Variants in FRAS1 observed in about 807,000 individuals in gnomAD.
The protein encoded by FRAS1 is Fraser extracellular matrix complex subunit 1.
Under a neutral mutation model 435.2 loss-of-function variants are expected in FRAS1, and 290 were observed. The observed-to-expected ratio is 0.67, with a 90% confidence interval of 0.61 to 0.73. The LOEUF (loss-of-function observed/expected upper bound fraction) is 0.73. Ranked by LOEUF, FRAS1 falls within the 30% of genes least tolerant of loss-of-function variation. The pLI is 0.00. For synonymous variants in FRAS1, 1,800 were observed against 1,851.0 expected (o/e 0.97, Z 0.71); for missense variants, 4,860 against 5,001.5 (o/e 0.97, Z 0.85).
chr4:78,539,419 A>G lies in FRAS1; in HGVS notation c.11424A>G (p.Leu3808=). The G allele has an allele frequency of 6.2e-7, 1 of 1,611,882 alleles. No homozygotes were observed. The highest frequency in any genetic ancestry group is 8.5e-7 in the Non-Finnish European group (1 of 1,179,096). Residue 3808 remains leucine, a synonymous_variant, in exon 73 of 74, where the codon CTA becomes CTG. Coordinates refer to ENST00000512123, the MANE Select transcript of FRAS1 (RefSeq NM_025074.7). ...SNMPGVDGFT[L]KVDALYKVEA... is the part of the protein sequence containing the mutation. ...TGCCAGGTGTGGATGGATTTACTCTAAAAGTAGATGCACTCTATAAGGTGA... is the reference window on the plus strand; with the variant it reads ...TGCCAGGTGTGGATGGATTTACTCTGAAAGTAGATGCACTCTATAAGGTGA...
intron 18 of FRAS1, chr4:78,319,739 T>C (rs1280645912): frequency 4.9e-6 from 1 of 204,810 alleles, no homozygotes; most frequent in Non-Finnish European, 1.0e-5. Context: ...ATTTGTAACA[T>C]AACAGTAAGC....
intron 9 of FRAS1, among the ~76,000 whole-genome samples, chr4:78,269,134 T>G (rs1726521816): frequency 1.3e-5 from 2 of 152,362 alleles, no homozygotes; most frequent in South Asian, 2.1e-4. Flanking sequence ...TCTGTTGACC[T>G]TGTTAAAGCC....
chr4:78,292,217 T>C (rs17003105), intron 14 of FRAS1, among the ~76,000 whole-genome samples: 4,820 of 152,288 alleles, frequency 0.032, 261 homozygotes, highest in African/African-American at 0.11. Flanking sequence ...AAATCTGCTT[T>C]TATATGTTAT....
intron 2 of FRAS1, among the ~76,000 whole-genome samples, chr4:78,142,766 C>T (rs1720249219): frequency 6.6e-6 from 1 of 152,086 alleles, no homozygotes; most frequent in Non-Finnish European, 1.5e-5. Flanking sequence ...TTCTATGTTC[C>T]ATGCATTGTC....
At chr4:78,310,778 C>T (rs753352977) in intron 15 of FRAS1, among the ~76,000 whole-genome samples, 3 of 152,200 alleles carry the variant, frequency 2.0e-5, no homozygotes, top group African/African-American at 4.8e-5. Flanking sequence ...TTAATTAAGA[C>T]GTCAGATGCT....
chr4:78,518,553 A>G (rs1721291112), intron 66 of FRAS1, among the ~76,000 whole-genome samples: 1 of 151,744 alleles, frequency 6.6e-6, no homozygotes, highest in Admixed American at 6.6e-5. Context: ...GCTTCACCAC[A>G]AAAGCTTCTG....
chr4:78,530,746 GTAGTA>G (rs1317203938), intron 70 of FRAS1, among the ~76,000 whole-genome samples: 1 of 152,150 alleles, frequency 6.6e-6, no homozygotes, highest in Non-Finnish European at 1.5e-5. Context: ...CTGTAGCCTT[GTAGTA>G]TAGTTTGAAG....
intron 38 of FRAS1, among the ~76,000 whole-genome samples, chr4:78,437,536 T>TTTTC (rs1466411177): frequency 4.6e-5 from 7 of 152,340 alleles, no homozygotes; most frequent in African/African-American, 1.7e-4. Context: ...TGATCTTGAA[T>TTTTC]TGAGACTCTG....
intron 2 of FRAS1, among the ~76,000 whole-genome samples, chr4:78,234,853 A>G (rs1252589116): frequency 1.3e-5 from 2 of 151,744 alleles, no homozygotes; most frequent in Non-Finnish European, 2.9e-5. Flanking sequence ...TTGTGTATAT[A>G]TCCATGTAAA....
At chr4:78,174,252 C>T (rs1408936433) in intron 2 of FRAS1, among the ~76,000 whole-genome samples, 2 of 152,204 alleles carry the variant, frequency 1.3e-5, no homozygotes, top group Admixed American at 6.5e-5. Context: ...AATCACAGTC[C>T]ACTTAGGTCA....
intron 3 of FRAS1, among the ~76,000 whole-genome samples, chr4:78,243,321 T>G (rs1725086857): frequency 6.6e-6 from 1 of 152,134 alleles, no homozygotes; most frequent in South Asian, 2.1e-4. Flanking sequence ...ATGATCAAAT[T>G]ATCATTATTG....
At chr4:78,287,366 A>G (rs985905883) in intron 14 of FRAS1, among the ~76,000 whole-genome samples, 1 of 152,182 alleles carries the variant, frequency 6.6e-6, no homozygotes, top group Non-Finnish European at 1.5e-5. Context: ...AGGGTTAATG[A>G]TGAAAACAAA....
intron 58 of FRAS1, among the ~76,000 whole-genome samples, chr4:78,482,762 T>A (rs1720051990): frequency 6.6e-6 from 1 of 152,188 alleles, no homozygotes. Flanking sequence ...GTATAAGCCT[T>A]GGGCCCTGTC....
At chr4:78,431,867 AT>A (rs1340626191) in intron 37 of FRAS1, among the ~76,000 whole-genome samples, 3 of 152,088 alleles carry the variant, frequency 2.0e-5, no homozygotes, top group African/African-American at 4.8e-5. Context: ...CTTAAAGTAT[AT>A]TTTTTTCATT....
intron 29 of FRAS1, 54 bp downstream of exon 29, chr4:78,387,755 C>T (rs931859465): frequency 6.5e-5 from 76 of 1,161,362 alleles, no homozygotes; most frequent in African/African-American, 1.2e-4. Context: ...TGAACTTCTA[C>T]GGTTGATATT....
chr4:78,499,960 A>G, intron 61 of FRAS1, 39 bp downstream of exon 61: 1 of 1,404,144 alleles, frequency 7.1e-7, no homozygotes, highest in Non-Finnish European at 9.4e-7. Flanking sequence ...GTTTTACTTA[A>G]TAGAGGGGCA....
chr4:78,167,193 T>C (rs1721365328), intron 2 of FRAS1, among the ~76,000 whole-genome samples: 1 of 152,196 alleles, frequency 6.6e-6, no homozygotes, highest in Non-Finnish European at 1.5e-5. Flanking sequence ...GCCATTAATC[T>C]TGGTGCAAAT....
At chr4:78,481,691 C>A in intron 56 of FRAS1, 113 bp from the exon 57 acceptor site, 1 of 1,184,118 alleles carries the variant, frequency 8.4e-7, no homozygotes. Flanking sequence ...ATTAGAAAAG[C>A]TCAAAGGGCT....
At chr4:78,276,492 T>C (rs1727043689) in intron 9 of FRAS1, among the ~76,000 whole-genome samples, 1 of 152,232 alleles carries the variant, frequency 6.6e-6, no homozygotes, top group Non-Finnish European at 1.5e-5. Flanking sequence ...GATGGGGTTT[T>C]GGTGTGGATG....
Sources: allele counts gnomAD v4.1 joint callset (sites outside exome capture counted in the v4.1 genomes callset), GRCh38; gene constraint gnomAD v4.1.1; transcripts MANE v1.5; gene names NCBI Gene and HGNC (gene_info 2026-07-23, HGNC 2026-07-21).